The following TRIM44 variants were observed in gnomAD, a reference collection of about 807,000 sequenced individuals.
TRIM44 encodes the protein tripartite motif containing 44.
In TRIM44, 13 loss-of-function variants were observed where a neutral mutation model predicts 37.4. That is an observed-to-expected ratio of 0.35 (90% CI 0.23 to 0.55). The LOEUF is 0.55. Ranked by LOEUF, TRIM44 falls within the 20% of genes least tolerant of loss-of-function variation. The pLI is 0.89. For missense variants in TRIM44, 426 were observed against 437.2 expected (o/e 0.97, Z 0.23); for synonymous variants, 175 against 157.2 (o/e 1.11, Z -0.85).
At chr11:35,663,846 C>A in intron 1 of TRIM44, 66 bp downstream of exon 1, 1 of 1,518,788 alleles carries the variant, frequency 6.6e-7, no homozygotes, top group Non-Finnish European at 8.8e-7. Flanking sequence ...CTCAGGTGGC[C>A]TGGCTGTGAC....
chr11:35,805,887 A>AT (rs916643030), intron 4 of TRIM44, among the ~76,000 whole-genome samples: 6 of 151,936 alleles, frequency 3.9e-5, no homozygotes, highest in African/African-American at 9.7e-5. Flanking sequence ...GAAATCTTGG[A>AT]TTTTTTTTCC....
intron 3 of TRIM44, among the ~76,000 whole-genome samples, chr11:35,734,593 C>A (rs777492418): frequency 6.6e-6 from 1 of 152,090 alleles, no homozygotes; most frequent in African/African-American, 2.4e-5. Context: ...ATAAAAGATA[C>A]GCTGACACCA....
intron 2 of TRIM44, among the ~76,000 whole-genome samples, chr11:35,703,197 G>A (rs1176571168): frequency 1.3e-5 from 2 of 152,208 alleles, no homozygotes; most frequent in Non-Finnish European, 2.9e-5. Flanking sequence ...CGGAAGCAAG[G>A]CTGAGGGAGG....
chr11:35,670,024 T>C (rs1245955873), intron 1 of TRIM44, among the ~76,000 whole-genome samples: 1 of 152,140 alleles, frequency 6.6e-6, no homozygotes, highest in African/African-American at 2.4e-5. Context: ...GGTTTCACCA[T>C]GTTGGCCAGG....
chr11:35,730,865 T>C (rs888009748), intron 3 of TRIM44, among the ~76,000 whole-genome samples: 1 of 150,884 alleles, frequency 6.6e-6, no homozygotes, highest in Non-Finnish European at 1.5e-5. Context: ...TTTTTTTTTT[T>C]TTTTGAGACG....
Position 35,750,421 on chromosome 11 carries a change from T to C in TRIM44, c.1007+14976T>C, listed in dbSNP as rs143480293. Among the ~76,000 whole-genome samples, 280 of 152,312 alleles carry C rather than the reference T, an allele frequency of 1.8e-3. 2 individuals carry two copies. The highest frequency in any genetic ancestry group is 6.5e-3 in the African/African-American group (269 of 41,570). On this transcript the variant is annotated intron_variant, in intron 4 of 4. Transcript: ENST00000299413. ...CTAGATATATTAGACTAAACACTAT[T>C]TTAGCTCTCAGTTTGCTCTTCTAAA... is the stretch of plus-strand genomic sequence containing the variant.
chr11:35,792,682 G>A (rs1448782808), intron 4 of TRIM44, among the ~76,000 whole-genome samples: 2 of 152,156 alleles, frequency 1.3e-5, no homozygotes, highest in Non-Finnish European at 2.9e-5. Context: ...GCCAAACTAG[G>A]GGTAAAATAG....
intron 2 of TRIM44, among the ~76,000 whole-genome samples, chr11:35,699,852 G>T (rs1053480670): frequency 2.6e-5 from 4 of 152,044 alleles, no homozygotes; most frequent in Non-Finnish European, 4.4e-5. Flanking sequence ...ATTCACAATT[G>T]CTTCAAAGAG....
In TRIM44 at chr11:35,690,849, A is replaced by T. The variant is rs1322775506; in HGVS notation, c.747+5513A>T. Reference sequence around the variant, plus strand: ...AGCATTCTGAGACTTCAAGGGGTTAAATAGCTTGCTAGTAAGTGGTGGGAC... The same window carrying T: ...AGCATTCTGAGACTTCAAGGGGTTATATAGCTTGCTAGTAAGTGGTGGGAC... On this transcript the variant is annotated intron_variant, in intron 2 of 4. Coordinates refer to ENST00000299413, the MANE Select transcript of TRIM44 (RefSeq NM_017583.6). 1.6e-4 allele frequency among the ~76,000 whole-genome samples: 24 copies of T among 152,198 alleles called. 1 individual carries two copies. The highest frequency in any genetic ancestry group is 1.6e-3 in the Admixed American group (24 of 15,286).
chr11:35,777,304 C>T lies in TRIM44; in HGVS notation c.1008-29054C>T, dbSNP rs542600356. ...CCTGCTTTTTTTTGTTTTCCGTTTG[C>T]TTAGTAGATCTTCCTCCATCCCTTT... On this transcript the variant is annotated intron_variant, in intron 4 of 4. Transcript: ENST00000299413. Among the ~76,000 whole-genome samples, 40 of 152,214 alleles carry T rather than the reference C, an allele frequency of 2.6e-4. 1 individual carries two copies. Among genetic ancestry groups the T allele is most frequent in the Middle Eastern group, 6.8e-3 (2 of 294 alleles).
intron 3 of TRIM44, among the ~76,000 whole-genome samples, chr11:35,732,260 C>G (rs529275196): frequency 1.3e-5 from 2 of 152,260 alleles, no homozygotes; most frequent in South Asian, 4.2e-4. Flanking sequence ...AACATTTCCA[C>G]TGGTGGAGGT....
chr11:35,667,940 T>C (rs1200243907), intron 1 of TRIM44, among the ~76,000 whole-genome samples: 3 of 152,198 alleles, frequency 2.0e-5, no homozygotes, highest in East Asian at 1.9e-4. Context: ...ACTGTTCTTA[T>C]GGGATTTTGC....
chr11:35,758,412 T>C (rs1590575452), intron 4 of TRIM44, among the ~76,000 whole-genome samples: 1 of 152,322 alleles, frequency 6.6e-6, no homozygotes, highest in African/African-American at 2.4e-5. Context: ...TGAGATGGGT[T>C]TCCTGAATAC....
At chr11:35,793,260 C>G (rs1853240759) in intron 4 of TRIM44, among the ~76,000 whole-genome samples, 1 of 151,876 alleles carries the variant, frequency 6.6e-6, no homozygotes. Flanking sequence ...CATAATGGCT[C>G]ACACGTGTAA....
rs372470539 is a variant in TRIM44 at position 35,703,071 on chromosome 11, G to A, written c.747+17735G>A. Among the ~76,000 whole-genome samples the A allele has an allele frequency of 6.7e-4, 102 of 152,314 alleles. No homozygotes were observed. The East Asian group carries it at 7.9e-3, about 12-fold the overall frequency. The stretch of plus-strand genomic sequence containing the variant: ...TCCCACCCTAATACCGCGCTTTTCC[G>A]ACGGGCTTAAAAAACGGCGCACCAG... On this transcript the variant is annotated intron_variant, in intron 2 of 4. Transcript: ENST00000299413.
chr11:35,779,910 GGCT>G (rs1387747502), intron 4 of TRIM44, among the ~76,000 whole-genome samples: 1 of 145,488 alleles, frequency 6.9e-6, no homozygotes, highest in Non-Finnish European at 1.5e-5. Flanking sequence ...AAGATCAGAT[GGCT>G]ATAGGTGTGC....
chr11:35,750,206 T>C (rs558523470), intron 4 of TRIM44, among the ~76,000 whole-genome samples: 53 of 152,330 alleles, frequency 3.5e-4, no homozygotes, highest in Admixed American at 1.4e-3. Flanking sequence ...GTTGGAGCTA[T>C]AGTAGAAACC....
chr11:35,803,088 C>T (rs991837102), intron 4 of TRIM44, among the ~76,000 whole-genome samples: 4 of 152,064 alleles, frequency 2.6e-5, no homozygotes, highest in South Asian at 4.1e-4. Context: ...GATAGCATTT[C>T]GATGAGGAAA....
At chr11:35,731,737 T>G (rs1481134254) in intron 3 of TRIM44, among the ~76,000 whole-genome samples, 1 of 152,208 alleles carries the variant, frequency 6.6e-6, no homozygotes, top group Non-Finnish European at 1.5e-5. Flanking sequence ...TTGTCCAGTT[T>G]GGTAAGGAGA....
Sources: gnomAD v4.1 joint callset for allele counts (sites outside exome capture counted in the v4.1 genomes callset) on GRCh38, gnomAD v4.1.1 for gene constraint, MANE v1.5 for transcripts, NCBI Gene and HGNC (gene_info 2026-07-23, HGNC 2026-07-21) for gene names.